TMEM164: variants seen among roughly 807,000 people sequenced by gnomAD.
TMEM164 encodes the protein transmembrane protein 164, also known as RP13-360B22.2.
A neutral mutation model predicts 18.8 loss-of-function variants in TMEM164; 4 were observed. That is an observed-to-expected ratio of 0.21 (90% CI 0.10 to 0.49). The LOEUF (loss-of-function observed/expected upper bound fraction) is 0.49, where lower values mean the gene tolerates loss of function less well. Ranked by LOEUF, TMEM164 falls within the 20% of genes least tolerant of loss-of-function variation. The pLI is 0.98. For missense variants in TMEM164, 108 were observed against 239.9 expected (o/e 0.45, Z 3.63); for synonymous variants, 86 against 101.7 (o/e 0.85, Z 0.93).
chrX:110,062,752 G>A (rs771059057), intron 2 of TMEM164, among the ~76,000 whole-genome samples: 2 of 111,772 alleles, frequency 1.8e-5, no homozygotes, highest in Admixed American at 9.6e-5. Flanking sequence ...GACATAACGC[G>A]CAAGGCTGTC....
intron 2 of TMEM164, among the ~76,000 whole-genome samples, chrX:110,018,330 TG>T (rs1262247013): frequency 8.9e-6 from 1 of 112,188 alleles, no homozygotes; most frequent in Non-Finnish European, 1.9e-5. Flanking sequence ...TAGCCAGACC[TG>T]GGTCCTGGTT....
intron 2 of TMEM164, among the ~76,000 whole-genome samples, chrX:110,066,180 A>G (rs946301078): frequency 9.0e-6 from 1 of 111,465 alleles, no homozygotes; most frequent in Non-Finnish European, 1.9e-5. Context: ...TTCTTATAAT[A>G]CCCTTTTCTT....
chrX:110,016,666 TG>T (rs200789635), intron 2 of TMEM164, among the ~76,000 whole-genome samples: 100 of 107,960 alleles, frequency 9.3e-4, no homozygotes, highest in East Asian at 1.7e-3. Context: ...TGTAATTTTT[TG>T]TTTTTTTGAA....
intron 3 of TMEM164, among the ~76,000 whole-genome samples, chrX:110,092,476 G>A (rs2065945538): frequency 9.0e-6 from 1 of 111,635 alleles, no homozygotes; most frequent in African/African-American, 3.3e-5. Context: ...AAGCAATTGT[G>A]AATGGGAGTT....
Position 110,167,125 on chromosome X carries a change from T to C in TMEM164, c.587-4295T>C, listed in dbSNP as rs372399323. Among the ~76,000 whole-genome samples the C allele has an allele frequency of 4.4e-3, 499 of 112,192 alleles. 3 individuals carry two copies. The highest frequency in any genetic ancestry group is 6.8e-3 in the Non-Finnish European group (362 of 53,191). On this transcript the variant is annotated intron_variant, in intron 5 of 6. Transcript: ENST00000372068. ...CATCATCTTCTAGTCTTTTATAAGA[T>C]TTTGGATGGTTGTGGTCGCCATGAT...
intron 3 of TMEM164, among the ~76,000 whole-genome samples, chrX:110,105,697 C>G (rs1314884424): frequency 1.0e-5 from 1 of 98,444 alleles, no homozygotes; most frequent in African/African-American, 4.1e-5. Flanking sequence ...CACACACACA[C>G]ACACACACAC....
intron 2 of TMEM164, among the ~76,000 whole-genome samples, chrX:110,041,663 A>T (rs1448684725): frequency 4.5e-5 from 5 of 112,209 alleles, no homozygotes; most frequent in Non-Finnish European, 9.4e-5. Context: ...TCCCTAATGA[A>T]ATATTTCTAG....
chrX:110,114,405 C>T (rs1010980104), intron 4 of TMEM164, among the ~76,000 whole-genome samples: 1 of 111,783 alleles, frequency 8.9e-6, no homozygotes, highest in African/African-American at 3.3e-5. Flanking sequence ...GGCCATTTGT[C>T]CTGATGGTGA....
intron 2 of TMEM164, among the ~76,000 whole-genome samples, chrX:110,057,501 G>T (rs1231999026): frequency 9.3e-6 from 1 of 107,183 alleles, no homozygotes; most frequent in African/African-American, 3.4e-5. Context: ...GATTTCAACT[G>T]TTGGATAAGT....
At chrX:110,012,610 C>T (rs1933070822) in intron 2 of TMEM164, among the ~76,000 whole-genome samples, 1 of 112,059 alleles carries the variant, frequency 8.9e-6, no homozygotes, top group Non-Finnish European at 1.9e-5. Context: ...CATGCCTTGC[C>T]ACCCTACATG....
chrX:110,084,365 T>TACTATATATATATACTATATATATA (rs1446798852), intron 3 of TMEM164, among the ~76,000 whole-genome samples: 24 of 68,323 alleles, frequency 3.5e-4, no homozygotes, highest in Non-Finnish European at 5.0e-4. Flanking sequence ...ATATATAGTA[T>TACTATATATATATACTATATATATA]AGTATATATA....
At chrX:110,098,868 C>T (rs1236037055) in intron 3 of TMEM164, among the ~76,000 whole-genome samples, 4 of 107,388 alleles carry the variant, frequency 3.7e-5, no homozygotes, top group Non-Finnish European at 5.8e-5. Flanking sequence ...CTGCAGGCTC[C>T]GCCTCCTGGG....
chrX:110,134,328 T>G (rs1191979373), intron 4 of TMEM164, among the ~76,000 whole-genome samples: 1 of 110,660 alleles, frequency 9.0e-6, no homozygotes, highest in Non-Finnish European at 1.9e-5. Context: ...GGCAGGCAGA[T>G]CACTTGAGGC....
chrX:110,038,392 C>A (rs1234115403), intron 2 of TMEM164, among the ~76,000 whole-genome samples: 1 of 111,143 alleles, frequency 9.0e-6, no homozygotes, highest in South Asian at 3.8e-4. Context: ...CATTCTCTAC[C>A]CTACCTGTAC....
chrX:110,044,593 C>CTTTTTT (rs56400284), intron 2 of TMEM164, among the ~76,000 whole-genome samples: 2 of 35,956 alleles, frequency 5.6e-5, no homozygotes, highest in African/African-American at 1.2e-4. Flanking sequence ...CCATTCCTTG[C>CTTTTTT]TTTTTTTTTT....
intron 2 of TMEM164, among the ~76,000 whole-genome samples, chrX:110,043,405 A>G (rs1192309273): frequency 8.9e-6 from 1 of 112,466 alleles, no homozygotes; most frequent in African/African-American, 3.2e-5. Flanking sequence ...AGTTAGTAGT[A>G]GGCTGGGACT....
intron 2 of TMEM164, among the ~76,000 whole-genome samples, chrX:110,051,682 G>T (rs1187549074): frequency 1.8e-5 from 2 of 111,509 alleles, no homozygotes; most frequent in African/African-American, 6.5e-5. Flanking sequence ...AGGATTAAAA[G>T]AAATCTTTCC....
intron 4 of TMEM164, among the ~76,000 whole-genome samples, chrX:110,141,757 A>G (rs2148055370): frequency 8.9e-6 from 1 of 112,279 alleles, no homozygotes; most frequent in East Asian, 2.8e-4. Flanking sequence ...CTTAAATATG[A>G]TTTGCTATTA....
Position 110,042,992 on chromosome X carries a change from A to G in TMEM164, c.391-24355A>G, listed in dbSNP as rs143714064. Among the ~76,000 whole-genome samples, 202 of 112,545 alleles carry G rather than the reference A, an allele frequency of 1.8e-3. 1 individual carries two copies. The highest frequency in any genetic ancestry group is 6.2e-3 in the African/African-American group (191 of 30,956). On this transcript the variant is annotated intron_variant, in intron 2 of 6. Transcript: ENST00000372068. ...AATTAGGGGTCTTCAGATGTTAACA[A>G]TGGTGTGTGGTAAATGTTTAAAGCT... is the stretch of plus-strand genomic sequence containing the variant.
Sources: allele counts gnomAD v4.1 joint callset (sites outside exome capture counted in the v4.1 genomes callset), GRCh38; gene constraint gnomAD v4.1.1; transcripts MANE v1.5; gene names NCBI Gene and HGNC (gene_info 2026-07-23, HGNC 2026-07-21).